EMC3: variants seen among roughly 807,000 people sequenced by gnomAD.
EMC3 encodes ER membrane protein complex subunit 3.
A neutral mutation model predicts 36.6 loss-of-function variants in EMC3; 13 were observed. That is an observed-to-expected ratio of 0.35 (90% confidence interval 0.23 to 0.56). The LOEUF (loss-of-function observed/expected upper bound fraction) is 0.56, where lower values mean the gene tolerates loss of function less well. Ranked by LOEUF, EMC3 falls within the 20% of genes least tolerant of loss-of-function variation. The pLI is 0.84. For missense variants in EMC3, 220 were observed against 324.5 expected (o/e 0.68, Z 2.47); for synonymous variants, 120 against 111.9 (o/e 1.07, Z -0.46).
At chr3:10,007,583 G>A in intron 1 of EMC3, 1 of 1,367,610 alleles carries the variant, frequency 7.3e-7, no homozygotes, top group Non-Finnish European at 9.8e-7. Flanking sequence ...CAGGCATCCT[G>A]GGTGTCAGGG....
At chr3:10,007,481 G>T (rs1446346904) in intron 1 of EMC3, 1 of 1,367,614 alleles carries the variant, frequency 7.3e-7, no homozygotes, top group South Asian at 1.1e-5. Context: ...GTGTGGCATT[G>T]GCCTTTCTGC....
chr3:9,971,349 T>A (rs2085783584), intron 5 of EMC3, among the ~76,000 whole-genome samples: 1 of 152,200 alleles, frequency 6.6e-6, no homozygotes, highest in Admixed American at 6.5e-5. Flanking sequence ...GGTTTCCTAC[T>A]CAACCTCCAT....
upstream of EMC3, chr3:9,986,929 C>G: frequency 8.0e-7 from 1 of 1,242,918 alleles, no homozygotes; most frequent in Non-Finnish European, 1.0e-6. Flanking sequence ...AAACTATCGG[C>G]GGTGGCCCAG....
upstream of EMC3, chr3:9,988,312 T>C: frequency 1.3e-6 from 1 of 755,870 alleles, no homozygotes; most frequent in Non-Finnish European, 2.4e-6. Context: ...GGAATTCACA[T>C]CTTGTAAGTT....
chr3:9,964,317 G>C, intron 7 of EMC3, 120 bp from the exon 8 acceptor site: 1 of 1,445,608 alleles, frequency 6.9e-7, no homozygotes, highest in South Asian at 1.4e-5. Context: ...GCATGTATAA[G>C]CTCATTCAAT....
chr3:9,980,117 A>G (rs34779351), intron 1 of EMC3, among the ~76,000 whole-genome samples: 34,005 of 151,114 alleles, frequency 0.23, 4,431 homozygotes, highest in African/African-American at 0.36. Context: ...GAGTTCAAGC[A>G]ATTCTCCCGC....
At chr3:10,004,114 T>C (rs2086236580) in intron 1 of EMC3, 3 of 152,198 alleles carry the variant, frequency 2.0e-5, no homozygotes, top group African/African-American at 7.2e-5. Context: ...GGTTCTGCCC[T>C]TCTGCTCATG....
At chr3:9,999,706 T>C (rs997277222) in intron 1 of EMC3, among the ~76,000 whole-genome samples, 2 of 152,262 alleles carry the variant, frequency 1.3e-5, no homozygotes, top group Non-Finnish European at 2.9e-5. Context: ...GAATGGTTCT[T>C]TAAAGACAAT....
intron 1 of EMC3, among the ~76,000 whole-genome samples, chr3:9,998,789 C>G (rs2086162079): frequency 1.3e-5 from 2 of 152,184 alleles, no homozygotes; most frequent in Non-Finnish European, 2.9e-5. Context: ...TGAGGTCTCA[C>G]TCTGTCACAC....
upstream of EMC3, among the ~76,000 whole-genome samples, chr3:9,990,296 A>T (rs1242129782): frequency 6.9e-6 from 1 of 145,292 alleles, no homozygotes; most frequent in Admixed American, 6.9e-5. Context: ...CTGGGATTAC[A>T]GGTGTGAGCC....
chr3:9,991,091 G>T (rs2086046196), upstream of EMC3, among the ~76,000 whole-genome samples: 1 of 152,106 alleles, frequency 6.6e-6, no homozygotes, highest in African/African-American at 2.4e-5. Context: ...GCCTCCCAAA[G>T]TGCTGGGATT....
intron 1 of EMC3, chr3:9,992,749 A>C (rs2124927699): frequency 7.5e-6 from 5 of 666,146 alleles, no homozygotes; most frequent in Non-Finnish European, 1.3e-5. Context: ...TGTAGATACT[A>C]CCAGGGGAGT....
chr3:9,969,180 G>A (rs1319022569), intron 7 of EMC3: 4 of 227,636 alleles, frequency 1.8e-5, no homozygotes, highest in Admixed American at 1.2e-4. Flanking sequence ...GGCTGGTGTC[G>A]AACTCCTGAA....
At chr3:9,969,377 T>C in intron 7 of EMC3, 1 of 1,149,930 alleles carries the variant, frequency 8.7e-7, no homozygotes, top group Non-Finnish European at 1.1e-6. Context: ...TTAGTATTGT[T>C]TTTTTAATGC....
chr3:9,982,755 C>T (rs1259307510), intron 1 of EMC3, among the ~76,000 whole-genome samples: 4 of 151,810 alleles, frequency 2.6e-5, no homozygotes, highest in African/African-American at 9.7e-5. Context: ...AGCGTGGTGG[C>T]ACACGCTTAT....
chr3:9,999,698 A>G (rs1413282939), intron 1 of EMC3, among the ~76,000 whole-genome samples: 1 of 152,224 alleles, frequency 6.6e-6, no homozygotes, highest in Non-Finnish European at 1.5e-5. Context: ...ATGTTTTCGA[A>G]TGGTTCTTTA....
At chr3:10,008,372 CACAA>C (rs1450877718) in intron 1 of EMC3, 12 of 1,364,738 alleles carry the variant, frequency 8.8e-6, no homozygotes, top group African/African-American at 4.4e-5. Flanking sequence ...GGCAAAAACC[CACAA>C]ACAGAGAAGG....
chr3:9,998,435 A>AT lies in EMC3; in HGVS notation c.-241-11534dup, dbSNP rs111397281. 4.4e-3 allele frequency among the ~76,000 whole-genome samples: 630 copies of AT among 144,242 alleles called. 14 individuals carry two copies. In the South Asian group the frequency reaches 0.047, roughly 11 times the overall value. The allele number at this position is 144,242 out of a possible 152,430, so 94.6% of individuals were successfully genotyped here. A position where few individuals can be genotyped will look rare whatever the true frequency, so the allele number is the denominator to read the frequency against. On this transcript the variant is annotated intron_variant, in intron 1 of 8. Coordinates refer to the EMC3 transcript ENST00000470827. ...TTGCTTTTAATGAATTAATAATTTA[A>AT]TTTTTTTTTTTATGTATAGGATCTT...
intron 4 of EMC3, among the ~76,000 whole-genome samples, chr3:9,974,157 A>G (rs1287463010): frequency 2.0e-5 from 3 of 152,242 alleles, no homozygotes; most frequent in Non-Finnish European, 4.4e-5. Flanking sequence ...TAGTTTTGGA[A>G]GTAAGCTAGC....
Sources: gnomAD v4.1 joint callset for allele counts (sites outside exome capture counted in the v4.1 genomes callset) on GRCh38, gnomAD v4.1.1 for gene constraint, MANE v1.5 for transcripts, NCBI Gene and HGNC (gene_info 2026-07-23, HGNC 2026-07-21) for gene names.